Variants in ANKRD35 observed in about 807,000 individuals in gnomAD.
ANKRD35 encodes ankyrin repeat domain 35.
ANKRD35 carries 102 observed loss-of-function variants against 109.9 expected under a neutral mutation model. The observed-to-expected ratio is 0.93, with a 90% confidence interval of 0.79 to 1.09. The LOEUF (loss-of-function observed/expected upper bound fraction) is 1.09. Ranked by LOEUF, ANKRD35 falls within the 50% of genes least tolerant of loss-of-function variation. The pLI is 0.00. For missense variants in ANKRD35, 1,240 were observed against 1,230.1 expected (o/e 1.01, Z -0.12); for synonymous variants, 515 against 512.4 (o/e 1.01, Z -0.07).
At chr1:145,878,173 T>C (rs1654153282) in intron 3 of ANKRD35, 141 bp from the exon 4 acceptor site, 2 of 946,486 alleles carry the variant, frequency 2.1e-6, no homozygotes, top group African/African-American at 1.6e-5. Flanking sequence ...GAAATTCCTG[T>C]TCCCCAAGTG....
At chr1:145,883,786 T>G (rs1402479891) in intron 1 of ANKRD35, among the ~76,000 whole-genome samples, 2 of 152,184 alleles carry the variant, frequency 1.3e-5, no homozygotes, top group Non-Finnish European at 2.9e-5. Context: ...TCATGAGAAG[T>G]GTGGGGAAAT....
At position 145,874,254 on chromosome 1, in the gene ANKRD35, A is replaced by G. The variant is rs41314017; in HGVS notation, c.746-62T>C. On this transcript the variant is annotated intron_variant, in intron 8 of 13. Coordinates refer to ENST00000355594, the MANE Select transcript of ANKRD35 (RefSeq NM_144698.5). Reference sequence around the variant, plus strand: ...CAGGTTCCATGTACTTCCAGCCCACATTCTTATCTTCAGACTTTTTCTGAG... The same window carrying G: ...CAGGTTCCATGTACTTCCAGCCCACGTTCTTATCTTCAGACTTTTTCTGAG... 5.0e-4 allele frequency: 781 copies of G among 1,565,484 alleles called. 1 individual carries two copies. The highest frequency in any genetic ancestry group is 6.4e-4 in the Non-Finnish European group (727 of 1,135,930).
chr1:145,870,942 G>T (rs1653786677), intron 10 of ANKRD35, among the ~76,000 whole-genome samples: 1 of 151,778 alleles, frequency 6.6e-6, no homozygotes, highest in Non-Finnish European at 1.5e-5. Context: ...ATTTGACCAT[G>T]TATCCAAGTT....
rs782007530 is a variant in ANKRD35, at chr1:145,875,007, C to G, written c.561-1G>C. 1 of 1,595,130 alleles carries G rather than the reference C, an allele frequency of 6.3e-7. No homozygotes were observed. The highest frequency in any genetic ancestry group is 8.5e-7 in the Non-Finnish European group (1 of 1,170,380). On this transcript the variant is annotated splice_acceptor_variant, in intron 7 of 13. Coordinates refer to ENST00000355594, the MANE Select transcript of ANKRD35 (RefSeq NM_144698.5). LOFTEE classifies it high-confidence loss of function. ...CTCACAGGCCAGGATCAAAGCCGAT[C>G]TGTGGGTTGAGACAAATCTGAGCAC...
chr1:145,868,323 G>C lies in ANKRD35; in HGVS notation c.2865C>G (p.Ala955=), dbSNP rs1653680325. The C allele has an allele frequency of 1.2e-6, 2 of 1,614,054 alleles. No individual in the cohort carries two copies. Among genetic ancestry groups the C allele is most frequent in the East Asian group, 2.2e-5 (1 of 44,888 alleles). Residue 955 remains alanine (A), a synonymous_variant, in exon 11 of 14, where the codon GCC becomes GCG. Coordinates refer to ENST00000355594, the MANE Select transcript of ANKRD35 (RefSeq NM_144698.5). ...LAIRGENARL[A]LQLQDSQKNH... is the part of the protein sequence containing the mutation. ...AGCCAAAACATACCTGCAGCTGCAG[G>C]GCAAGGCGAGCATTTTCTCCCCGAA...
At chr1:145,881,052 A>G (rs182003136) in intron 1 of ANKRD35, among the ~76,000 whole-genome samples, 4 of 152,320 alleles carry the variant, frequency 2.6e-5, no homozygotes, top group African/African-American at 9.6e-5. Context: ...TTGGGAGGCC[A>G]AGACGGGTGG....
At chr1:145,884,977 A>C (rs2101722287) in intron 1 of ANKRD35, among the ~76,000 whole-genome samples, 1 of 152,300 alleles carries the variant, frequency 6.6e-6, no homozygotes, top group Non-Finnish European at 1.5e-5. Flanking sequence ...ACCAGACTGC[A>C]ATATTAACTC....
In ANKRD35 at chr1:145,868,384, T is replaced by C. The variant is rs2101699530; in HGVS notation, c.2804A>G (p.Lys935Arg). ...DKEAKIKELL[K>R]KLEQLSEEVL... ...CTCTTCTGAAAGCTGCTCCAGCTTC[T>C]TCAACAACTCCTTGATCTGAGGCCA... is the stretch of plus-strand genomic sequence containing the variant. Residue 935 changes from lysine to arginine, a missense_variant, in exon 11 of 14, where the codon AAG becomes AGG. Coordinates refer to ENST00000355594, the MANE Select transcript of ANKRD35 (RefSeq NM_144698.5). The C allele has an allele frequency of 3.1e-6, 5 of 1,614,186 alleles. No individual in the cohort carries two copies. The highest frequency in any genetic ancestry group is 4.2e-6 in the Non-Finnish European group (5 of 1,180,038).
chr1:145,876,851 A>G lies in ANKRD35; in HGVS notation c.347T>C (p.Val116Ala). Residue 116 changes from valine to alanine, a missense_variant, in exon 5 of 14, where the codon GTG (valine) becomes GCG (alanine). Physicochemically the swap from Val to Ala is moderately conservative, Grantham distance 64. Coordinates refer to ENST00000355594, the MANE Select transcript of ANKRD35 (RefSeq NM_144698.5). The stretch of plus-strand genomic sequence containing the variant: ...CAATGGACTACGGTTTTCTGCATCC[A>G]CAGCATCTTCATTAGCACCATGCTG... ...LLQHGANEDA[V>A]DAENRSPLHW... 6.2e-7 allele frequency: 1 copy of G among 1,614,020 alleles called. No individual in the cohort carries two copies. Among genetic ancestry groups the G allele is most frequent in the Non-Finnish European group, 8.5e-7 (1 of 1,180,006 alleles).
intron 13 of ANKRD35, among the ~76,000 whole-genome samples, chr1:145,867,012 A>G (rs1032561104): frequency 2.0e-5 from 3 of 152,068 alleles, no homozygotes; most frequent in African/African-American, 7.2e-5. Flanking sequence ...ACCATCACTC[A>G]TCTTTCACTG....
At chr1:145,869,107 A>T (rs985017862) in intron 10 of ANKRD35, among the ~76,000 whole-genome samples, 4 of 152,172 alleles carry the variant, frequency 2.6e-5, no homozygotes, top group East Asian at 3.9e-4. Context: ...TTGAAAACTT[A>T]AAAAAATTTA....
intron 1 of ANKRD35, among the ~76,000 whole-genome samples, chr1:145,879,936 C>T (rs1654226333): frequency 2.0e-5 from 3 of 152,220 alleles, no homozygotes. Context: ...CACCTCTTTT[C>T]ATTGGCTTTG....
rs1653910022 is a variant in ANKRD35 at position 145,873,104 on chromosome 1, T to C, written c.1665A>G (p.Leu555=). Residue 555 remains leucine (L), a synonymous_variant, in exon 10 of 14, where the codon CTA becomes CTG. Coordinates refer to ENST00000355594, the MANE Select transcript of ANKRD35 (RefSeq NM_144698.5). ...GGGAAGGAACCTCAGGTTTCACCTG[T>C]AGTCCTGCCTTTGCCCATTCCAGCC... ...LARLEWAKAG[L]QVKPEVPSQE... is the part of the protein sequence containing the mutation. 1 of 1,613,856 alleles carries C rather than the reference T, an allele frequency of 6.2e-7. No individual in the cohort carries two copies. Among genetic ancestry groups the C allele is most frequent in the African/African-American group, 1.3e-5 (1 of 75,048 alleles).
chr1:145,874,866 A>G lies in ANKRD35; in HGVS notation c.701T>C (p.Leu234Pro), dbSNP rs1317869628. 3 of 1,611,124 alleles carry G rather than the reference A, an allele frequency of 1.9e-6. No individual in the cohort carries two copies. Among genetic ancestry groups the G allele is most frequent in the Non-Finnish European group, 2.5e-6 (3 of 1,178,400 alleles). ...CAGGGCCTGCTGTAGGTGCCTCCAC[A>G]GTGCCTTGTCTTGTGTGTGCAGAGC... The part of the protein sequence containing the change: ...HYALHTQDKA[L>P]WRHLQQALSR... Residue 234 changes from leucine (L) to proline (P), a missense_variant, in exon 8 of 14, where the codon CTG becomes CCG. Transcript: ENST00000355594.
At chr1:145,883,622 C>T (rs1654375796) in intron 1 of ANKRD35, among the ~76,000 whole-genome samples, 1 of 152,204 alleles carries the variant, frequency 6.6e-6, no homozygotes, top group African/African-American at 2.4e-5. Flanking sequence ...AGGGCTCTGG[C>T]CCTGGACCCA....
intron 8 of ANKRD35, among the ~76,000 whole-genome samples, chr1:145,874,515 T>C (rs1473279422): frequency 6.6e-6 from 1 of 152,208 alleles, no homozygotes; most frequent in Non-Finnish European, 1.5e-5. Flanking sequence ...GGGGTTACAA[T>C]CTGGTAGAGG....
At chr1:145,882,340 A>G (rs1570809109) in intron 1 of ANKRD35, among the ~76,000 whole-genome samples, 1 of 122,302 alleles carries the variant, frequency 8.2e-6, no homozygotes, top group African/African-American at 3.3e-5. Context: ...TTTGTTGCCC[A>G]GGCTGAAGTG....
intron 10 of ANKRD35, 93 bp from the exon 11 acceptor site, chr1:145,868,493 T>C: frequency 9.9e-7 from 1 of 1,005,760 alleles, no homozygotes; most frequent in East Asian, 2.4e-5. Flanking sequence ...GTATTTAATA[T>C]GTGCCAATTT....
rs1273118740 is a variant in ANKRD35, at chr1:145,873,917, C to A, written c.852G>T (p.Glu284Asp). The A allele has an allele frequency of 6.2e-7, 1 of 1,614,106 alleles. No homozygotes were observed. The highest frequency in any genetic ancestry group is 1.3e-5 in the African/African-American group (1 of 74,944). The change falls in exon 10 of 14, where the codon GAG (glutamate) becomes GAT (aspartate). Residue 284 changes from glutamate to aspartate, a missense_variant. Transcript: ENST00000355594. ...GGTCTTCATCCTCCTTCTCCTCTTG[C>A]TCCTCTTCAGGCTCTGCTCTCCATG... ...KSSWRAEPEEEQEEKEDEDPC... is the reference protein window; with the variant it reads ...KSSWRAEPEEDQEEKEDEDPC...
Sources: gnomAD v4.1 joint callset for allele counts (sites outside exome capture counted in the v4.1 genomes callset) on GRCh38, gnomAD v4.1.1 for gene constraint, MANE v1.5 for transcripts, NCBI Gene and HGNC (gene_info 2026-07-23, HGNC 2026-07-21) for gene names.